The following SLCO3A1 variants were observed in gnomAD, a reference collection of about 807,000 sequenced individuals.
SLCO3A1 encodes the protein PGE1 transporter.
In SLCO3A1, 27 loss-of-function variants were observed where a neutral mutation model predicts 63.1. The ratio of observed to expected loss-of-function variants is 0.43; its 90% CI spans 0.32 to 0.59. The LOEUF is 0.59. Among genes scored for constraint, SLCO3A1 ranks in the 20% least tolerant of loss-of-function variants. The pLI is 0.09. For synonymous variants in SLCO3A1, 473 were observed against 409.9 expected, an observed-to-expected ratio of 1.15 and a Z score of -1.86; for missense variants, 773 against 945.8, an observed-to-expected ratio of 0.82 and a Z score of 2.40.
At chr15:92,139,403 T>A (rs2048099468) in intron 7 of SLCO3A1, among the ~76,000 whole-genome samples, 1 of 152,142 alleles carries the variant, frequency 6.6e-6, no homozygotes, top group Non-Finnish European at 1.5e-5. Flanking sequence ...GATTTTGGCA[T>A]CAATGTTCAT....
chr15:91,915,404 C>A (rs186491617), intron 1 of SLCO3A1, among the ~76,000 whole-genome samples: 2 of 152,136 alleles, frequency 1.3e-5, no homozygotes, highest in Non-Finnish European at 2.9e-5. Context: ...ACCTGATGGC[C>A]TCTGGGGAAA....
At chr15:91,928,364 G>GT (rs1899106598) in intron 2 of SLCO3A1, among the ~76,000 whole-genome samples, 1 of 152,126 alleles carries the variant, frequency 6.6e-6, no homozygotes, top group Non-Finnish European at 1.5e-5. Flanking sequence ...TTCTGTGTAG[G>GT]TAAAGGAGCT....
chr15:92,069,089 T>TCCCCCCCCCCCCC (rs760619386), intron 2 of SLCO3A1, among the ~76,000 whole-genome samples: 64 of 59,058 alleles, frequency 1.1e-3, no homozygotes, highest in East Asian at 1.3e-3. Flanking sequence ...ATTCAAGGGC[T>TCCCCCCCCCCCCC]CCCCCCGCCC....
intron 1 of SLCO3A1, among the ~76,000 whole-genome samples, chr15:91,905,823 T>C (rs1436228062): frequency 2.0e-5 from 3 of 149,170 alleles, no homozygotes; most frequent in African/African-American, 7.5e-5. Flanking sequence ...TTCCTCCTTA[T>C]ATAACTTTTA....
rs2048463733 is a variant in SLCO3A1 at position 92,163,312 on chromosome 15, G to C, written c.*177G>C. The C allele has an allele frequency of 7.9e-7, 1 of 1,270,530 alleles. No homozygotes were observed. The highest frequency in any genetic ancestry group is 3.2e-5 in the East Asian group (1 of 31,340). The allele number at this position is 1,270,530 out of a possible 1,614,324, so 78.7% of individuals were successfully genotyped here. A position where few individuals can be genotyped will look rare whatever the true frequency, so the allele number is the denominator to read the frequency against. ...TTTTCTCAGCATCAGAGCCAGACAG[G>C]ATTCAGAATAAGGAGAGAATGACAT... On this transcript the variant is annotated 3_prime_UTR_variant, in exon 10 of 10. Coordinates refer to ENST00000318445, the MANE Select transcript of SLCO3A1 (RefSeq NM_013272.4).
At chr15:91,898,647 C>T (rs1434619574) in intron 1 of SLCO3A1, among the ~76,000 whole-genome samples, 1 of 151,962 alleles carries the variant, frequency 6.6e-6, no homozygotes, top group African/African-American at 2.4e-5. Context: ...CTTCCCTTAA[C>T]TGTGAGACTC....
At chr15:92,040,354 G>A (rs534768528) in intron 2 of SLCO3A1, among the ~76,000 whole-genome samples, 1 of 152,310 alleles carries the variant, frequency 6.6e-6, no homozygotes, top group South Asian at 2.1e-4. Context: ...AAACAGATCA[G>A]TTCTTTGAAT....
intron 2 of SLCO3A1, among the ~76,000 whole-genome samples, chr15:91,933,293 C>G (rs1899297520): frequency 6.6e-6 from 1 of 152,090 alleles, no homozygotes; most frequent in Admixed American, 6.5e-5. Context: ...ATTATGTAAG[C>G]TATTTACAGG....
At chr15:92,092,301 G>A (rs963728433) in intron 2 of SLCO3A1, among the ~76,000 whole-genome samples, 3 of 151,992 alleles carry the variant, frequency 2.0e-5, no homozygotes, top group Non-Finnish European at 4.4e-5. Flanking sequence ...CAGTCTGTAG[G>A]GCATGGATCA....
chr15:92,153,337 GT>G (rs1043410689), intron 9 of SLCO3A1, among the ~76,000 whole-genome samples: 1 of 152,064 alleles, frequency 6.6e-6, no homozygotes, highest in African/African-American at 2.4e-5. Context: ...TTTTAAAAAA[GT>G]TGGTTGTGAC....
At chr15:92,032,732 A>C (rs886929362) in intron 2 of SLCO3A1, among the ~76,000 whole-genome samples, 14 of 152,114 alleles carry the variant, frequency 9.2e-5, no homozygotes, top group African/African-American at 2.9e-4. Flanking sequence ...TCCTGGCAAA[A>C]TTTGGGGAAA....
In SLCO3A1 at chr15:92,028,908, A is replaced by AGT. The variant is rs61238614; in HGVS notation, c.647-65938_647-65937dup. Among the ~76,000 whole-genome samples the AGT allele has an allele frequency of 6.5e-3, 785 of 120,126 alleles. 12 individuals are homozygous for AGT. Among genetic ancestry groups the AGT allele is most frequent in the South Asian group, 0.041 (127 of 3,064 alleles). 78.8% of individuals were successfully genotyped at this position (120,126 alleles called of 152,430 possible). ...CGTTCTTGTTTCAGCTGCAGGCACAAGTGTGTGTGTGTGTGTGTGTGTGTG... is the reference window on the plus strand; with the variant it reads ...CGTTCTTGTTTCAGCTGCAGGCACAAGTGTGTGTGTGTGTGTGTGTGTGTGTG... On this transcript the variant is annotated intron_variant, in intron 2 of 9. Coordinates refer to ENST00000318445, the MANE Select transcript of SLCO3A1 (RefSeq NM_013272.4).
At chr15:92,146,840 GCTAA>G (rs955695446) in intron 7 of SLCO3A1, 140 bp from the exon 8 acceptor site, 41 of 673,472 alleles carry the variant, frequency 6.1e-5, no homozygotes, top group Non-Finnish European at 9.2e-5. Flanking sequence ...CCTTAAAAAA[GCTAA>G]CTAACTCGTT....
At chr15:91,993,491 A>G (rs2046152542) in intron 2 of SLCO3A1, among the ~76,000 whole-genome samples, 1 of 152,222 alleles carries the variant, frequency 6.6e-6, no homozygotes, top group Non-Finnish European at 1.5e-5. Context: ...GGAGAGCCAA[A>G]TGGAACTTGG....
chr15:92,151,791 T>G (rs980471613), intron 9 of SLCO3A1, among the ~76,000 whole-genome samples: 9 of 152,226 alleles, frequency 5.9e-5, no homozygotes, highest in African/African-American at 2.2e-4. Context: ...GGCATCTGAA[T>G]GTAGAAAGGA....
intron 2 of SLCO3A1, among the ~76,000 whole-genome samples, chr15:91,956,385 G>A (rs1368304089): frequency 6.6e-6 from 1 of 152,162 alleles, no homozygotes; most frequent in Non-Finnish European, 1.5e-5. Context: ...AGCCTCAGTT[G>A]GCCCGCTCTG....
rs74028388 is a variant in SLCO3A1, at chr15:91,941,298, G to A, written c.646+24840G>A. The A allele has an allele frequency of 5.8e-3, 1,544 of 267,578 alleles. 29 individuals carry two copies. The highest frequency in any genetic ancestry group is 0.033 in the African/African-American group (1,447 of 44,294). The allele number at this position is 267,578 out of a possible 1,614,324, so 16.6% of individuals were successfully genotyped here. ...GTTGGGGCAGGGCGGGGCTCGGCTGGGGGGTGGGAGAGAGACACTGAATCA... is the reference window on the plus strand; with the variant it reads ...GTTGGGGCAGGGCGGGGCTCGGCTGAGGGGTGGGAGAGAGACACTGAATCA... On this transcript the variant is annotated intron_variant, in intron 2 of 9. Coordinates refer to ENST00000318445, the MANE Select transcript of SLCO3A1 (RefSeq NM_013272.4). This position sits in a 1 kb window ranked among gnomAD's most constrained non-coding sequence, Gnocchi z 4.4.
At chr15:92,026,335 G>C (rs2046573538) in intron 2 of SLCO3A1, among the ~76,000 whole-genome samples, 1 of 152,212 alleles carries the variant, frequency 6.6e-6, no homozygotes, top group South Asian at 2.1e-4. Flanking sequence ...TTGTCTAATG[G>C]ACTGTTCCTC....
intron 2 of SLCO3A1, among the ~76,000 whole-genome samples, chr15:92,082,911 A>G (rs915835521): frequency 1.3e-5 from 2 of 152,228 alleles, no homozygotes; most frequent in Non-Finnish European, 2.9e-5. Context: ...ACCTTGGTGC[A>G]GCTGACTGAT....
Sources: gnomAD v4.1 joint callset for allele counts (sites outside exome capture counted in the v4.1 genomes callset) on GRCh38, gnomAD v4.1.1 for gene constraint, Gnocchi (gnomAD v3.1) non-coding constraint, MANE v1.5 for transcripts, NCBI Gene and HGNC (gene_info 2026-07-23, HGNC 2026-07-21) for gene names.